STRA8: variants seen among roughly 807,000 people sequenced by gnomAD.
STRA8 encodes stimulated by retinoic acid gene 8 protein homolog.
In STRA8, 18 loss-of-function variants were observed where a neutral mutation model predicts 37.1. The ratio of observed to expected loss-of-function variants is 0.48; its 90% confidence interval spans 0.34 to 0.72. The LOEUF is 0.72. STRA8 is among the 30% of genes least tolerant of loss of function. The pLI is 0.01. For missense variants in STRA8, 357 were observed against 410.4 expected, an observed-to-expected ratio of 0.87 and a Z score of 1.13; for synonymous variants, 168 against 162.9, an observed-to-expected ratio of 1.03 and a Z score of -0.24.
At chr7:135,238,557 T>C (rs569442191) in intron 1 of STRA8, among the ~76,000 whole-genome samples, 1 of 152,206 alleles carries the variant, frequency 6.6e-6, no homozygotes, top group Non-Finnish European at 1.5e-5. Flanking sequence ...GTTAGAGAAC[T>C]TGAGGTCCTG....
chr7:135,234,886 G>C (rs1402040857), intron 1 of STRA8, among the ~76,000 whole-genome samples: 1 of 152,112 alleles, frequency 6.6e-6, no homozygotes, highest in Non-Finnish European at 1.5e-5. Context: ...TTGTTCACTT[G>C]TTTGCTTTTA....
upstream of STRA8, chr7:135,232,110 G>A: frequency 3.5e-6 from 5 of 1,436,974 alleles, no homozygotes; most frequent in Non-Finnish European, 4.9e-6. Flanking sequence ...TTGTGTGTGT[G>A]GCAGTGGTTG....
intron 1 of STRA8, among the ~76,000 whole-genome samples, chr7:135,234,782 G>A (rs1482530612): frequency 1.3e-5 from 2 of 152,206 alleles, no homozygotes; most frequent in South Asian, 2.1e-4. Flanking sequence ...AGGTATCAAC[G>A]AAGCTGCCTC....
chr7:135,253,446 G>T (rs115401598), intron 7 of STRA8, among the ~76,000 whole-genome samples: 1,790 of 152,238 alleles, frequency 0.012, 32 homozygotes, highest in African/African-American at 0.041. Flanking sequence ...AGGAGAAGGC[G>T]GGGAGGGGGC....
chr7:135,237,620 G>A (rs796731983), intron 1 of STRA8, among the ~76,000 whole-genome samples: 152 of 152,292 alleles, frequency 1.0e-3, no homozygotes, highest in African/African-American at 3.5e-3. Context: ...TCCACCGGGC[G>A]TGGTGGCTCA....
At chr7:135,240,276 T>A (rs1832441779) in intron 1 of STRA8, among the ~76,000 whole-genome samples, 1 of 152,198 alleles carries the variant, frequency 6.6e-6, no homozygotes, top group Non-Finnish European at 1.5e-5. Context: ...TGACCCTGTA[T>A]AATCTCCATC....
In STRA8 at chr7:135,240,628, C is replaced by G; in HGVS notation, c.104C>G (p.Ser35Cys). Residue 35 changes from serine to cysteine, a missense_variant, in exon 2 of 9, where the codon TCC becomes TGC. By Grantham distance (112) the Ser-to-Cys change is moderately radical. Transcript: ENST00000662584. ...LEHRVARRRL[S>C]QARHRATLAA... ...CATCGGGTGGCCCGGAGACGGCTGT[C>G]CCAGGCCCGCCACCGAGCCACCCTG... The G allele has an allele frequency of 4.3e-6, 7 of 1,614,118 alleles. No individual in the cohort carries two copies. Among genetic ancestry groups the G allele is most frequent in the Non-Finnish European group, 5.9e-6 (7 of 1,180,026 alleles).
At chr7:135,231,924 G>A, upstream of STRA8, 3 of 1,514,278 alleles carry the variant, frequency 2.0e-6, no homozygotes, top group South Asian at 3.4e-5. Flanking sequence ...CAGAGCTAGT[G>A]AGAGGCCACC....
chr7:135,246,826 G>C lies in STRA8; in HGVS notation c.879+124G>C. ...AGTTTGCCTTCTGGCTCCCAAGGTC[G>C]GTTTCTGATTTTCTTTTTTCTCTTT... On this transcript the variant is annotated intron_variant, in intron 6 of 8. Transcript: ENST00000662584. The surrounding 1 kb of genome is among the most constrained non-coding windows in gnomAD (Gnocchi z 5.4). The C allele has an allele frequency of 9.5e-7, 1 of 1,056,214 alleles. No homozygotes were observed. Among genetic ancestry groups the C allele is most frequent in the Middle Eastern group, 3.2e-4 (1 of 3,132 alleles). The allele number at this position is 1,056,214 out of a possible 1,614,324, so 65.4% of individuals were successfully genotyped here.
At chr7:135,232,403 GA>G (rs111409643), upstream of STRA8, among the ~76,000 whole-genome samples, 13 of 143,550 alleles carry the variant, frequency 9.1e-5, no homozygotes, top group Non-Finnish European at 1.5e-4. Context: ...GTGACAGCCA[GA>G]AATGGGGCAG....
At chr7:135,251,677 A>G in intron 6 of STRA8, 119 bp from the exon 7 acceptor site, 1 of 940,808 alleles carries the variant, frequency 1.1e-6, no homozygotes. Flanking sequence ...TCTGACATGC[A>G]TGCCCTCTGG....
At position 135,246,455 on chromosome 7, in the gene STRA8, C is replaced by G. The variant is rs547449102; in HGVS notation, c.632C>G (p.Thr211Ser). 29 of 1,600,950 alleles carry G rather than the reference C, an allele frequency of 1.8e-5. No homozygotes were observed. The South Asian group carries it at 3.3e-4, about 18-fold the overall frequency. The change falls in exon 6 of 9, where the codon ACT becomes AGT. Residue 211 changes from threonine (T) to serine (S), a missense_variant. Physicochemically the swap from Thr to Ser is moderately conservative, Grantham distance 58. Transcript: ENST00000662584. The surrounding 1 kb of genome is among the most constrained non-coding windows in gnomAD (Gnocchi z 5.4). ...NFYKQTMDLLTGSGIITPQEA... is the reference protein window; with the variant it reads ...NFYKQTMDLLSGSGIITPQEA... The stretch of plus-strand genomic sequence containing the variant: ...TACAAACAGACGATGGACCTTCTGA[C>G]TGGCAGCGGGATCATTACCCCGCAG...
Position 135,243,320 on chromosome 7 carries a change from C to A in STRA8, c.269-6C>A, listed in dbSNP as rs762244878. The A allele has an allele frequency of 1.2e-6, 2 of 1,613,918 alleles. No individual in the cohort carries two copies. The highest frequency in any genetic ancestry group is 2.7e-5 in the African/African-American group (2 of 74,926). On this transcript the variant is annotated splice_region_variant and splice_polypyrimidine_tract_variant and intron_variant, in intron 3 of 8. Coordinates refer to ENST00000662584, the MANE Select transcript of STRA8 (RefSeq NM_001394401.1). The stretch of plus-strand genomic sequence containing the variant: ...TTTGTGTTCCTGGTCTTCAACTCCC[C>A]AATAGCATCCTTCAACCTGGAAGAT...
chr7:135,239,524 C>G (rs985802662), intron 1 of STRA8, among the ~76,000 whole-genome samples: 1 of 152,212 alleles, frequency 6.6e-6, no homozygotes, highest in African/African-American at 2.4e-5. Context: ...TAATGGGGGC[C>G]AGGCTCTGTG....
chr7:135,243,373 A>C lies in STRA8; in HGVS notation c.316A>C (p.Lys106Gln). Reference protein sequence around the residue: ...DGHASSLEEVKKEYASMYSGN... With the variant: ...DGHASSLEEVQKEYASMYSGN... Reference sequence around the variant, plus strand: ...GCATGCAAGCAGCTTAGAGGAGGTCAAGAAAGAATATGCCAGCATGTATTC... The same window carrying C: ...GCATGCAAGCAGCTTAGAGGAGGTCCAGAAAGAATATGCCAGCATGTATTC... The change falls in exon 4 of 9, where the codon AAG becomes CAG. Residue 106 changes from lysine to glutamine, a missense_variant. Lys to Gln is a moderately conservative substitution (Grantham distance 53, BLOSUM62 1). Transcript: ENST00000662584. 6.2e-7 allele frequency: 1 copy of C among 1,614,178 alleles called. No individual in the cohort carries two copies. Among genetic ancestry groups the C allele is most frequent in the Non-Finnish European group, 8.5e-7 (1 of 1,180,008 alleles).
upstream of STRA8, chr7:135,231,995 T>G (rs765127846): frequency 6.2e-7 from 1 of 1,614,150 alleles, no homozygotes; most frequent in Non-Finnish European, 8.5e-7. Context: ...AAGATTGATG[T>G]GGACAAGATC....
chr7:135,249,190 A>C (rs1832605336), intron 6 of STRA8, among the ~76,000 whole-genome samples: 1 of 152,210 alleles, frequency 6.6e-6, no homozygotes, highest in South Asian at 2.1e-4. Context: ...AACCTGATAT[A>C]TGGCACTCGA....
Position 135,246,937 on chromosome 7 carries a change from C to T in STRA8, c.879+235C>T, listed in dbSNP as rs149765005. On this transcript the variant is annotated intron_variant, in intron 6 of 8. Transcript: ENST00000662584. The surrounding 1 kb of genome is among the most constrained non-coding windows in gnomAD (Gnocchi z 5.4). ...TCGGCTCACTGCAAGCTCTGGCTCC[C>T]GGGTTCACCTCATTCTCCTGCCTCA... 0.084 allele frequency: 40,260 copies of T among 479,500 alleles called. 2,043 individuals are homozygous for T. Among genetic ancestry groups the T allele is most frequent in the Middle Eastern group, 0.18 (323 of 1,840 alleles). 29.7% of individuals were successfully genotyped at this position (479,500 alleles called of 1,614,324 possible).
At chr7:135,234,164 T>C (rs538319292) in intron 1 of STRA8, among the ~76,000 whole-genome samples, 2 of 152,054 alleles carry the variant, frequency 1.3e-5, no homozygotes, top group South Asian at 4.2e-4. Context: ...TGGAGTGCAA[T>C]GGCGAGATCT....
Sources: allele counts gnomAD v4.1 joint callset (sites outside exome capture counted in the v4.1 genomes callset), GRCh38; gene constraint gnomAD v4.1.1; non-coding constraint Gnocchi (gnomAD v3.1); transcripts MANE v1.5; gene names NCBI Gene and HGNC (gene_info 2026-07-23, HGNC 2026-07-21).